RAB40B: variants seen among roughly 807,000 people sequenced by gnomAD.
RAB40B encodes the protein ras-related protein Rab-40B.
In RAB40B, 21 loss-of-function variants were observed where a neutral mutation model predicts 24.0. The observed-to-expected ratio is 0.88, with a 90% CI of 0.62 to 1.26. The LOEUF is 1.26. Ranked by LOEUF, RAB40B falls within the 50% of genes most tolerant of loss-of-function variation. RAB40B has a pLI of 0.00. For synonymous variants in RAB40B, 167 were observed against 169.8 expected (o/e 0.98, Z 0.13); for missense variants, 348 against 390.5 (o/e 0.89, Z 0.92).
Position 82,698,599 on chromosome 17 carries a change from T to A in RAB40B, c.-3A>T. The A allele has an allele frequency of 6.9e-7, 1 of 1,450,262 alleles. No individual in the cohort carries two copies. The highest frequency in any genetic ancestry group is 9.2e-7 in the Non-Finnish European group (1 of 1,086,214). 89.8% of individuals were successfully genotyped at this position (1,450,262 alleles called of 1,614,324 possible). Reference sequence around the variant, plus strand: ...ACCGGGCTGCCCAGGGCGCTCATCGTGACGGCCCGGCGCCCCCACCCATGC... The same window carrying A: ...ACCGGGCTGCCCAGGGCGCTCATCGAGACGGCCCGGCGCCCCCACCCATGC... On this transcript the variant is annotated 5_prime_UTR_variant, in exon 1 of 6. Transcript: ENST00000571995.
At chr17:82,659,032 C>T (rs973533710) in intron 4 of RAB40B, 6 of 319,392 alleles carry the variant, frequency 1.9e-5, no homozygotes, top group African/African-American at 8.4e-5. Context: ...GTTGCTGGCA[C>T]CGCCGAGAGC....
chr17:82,670,096 G>A (rs73357173), intron 1 of RAB40B, among the ~76,000 whole-genome samples: 19,772 of 151,800 alleles, frequency 0.13, 1,426 homozygotes, highest in South Asian at 0.22. Flanking sequence ...TTGTCTTTCC[G>A]GAGATTAATC....
intron 1 of RAB40B, among the ~76,000 whole-genome samples, chr17:82,674,197 G>A (rs753476862): frequency 2.5e-4 from 38 of 151,798 alleles, no homozygotes; most frequent in Admixed American, 8.5e-4. Context: ...AAAATTAGCC[G>A]GGTGTGGTGG....
Position 82,697,158 on chromosome 17 carries a change from C to T in RAB40B, c.142+1297G>A, listed in dbSNP as rs374004107. 6.6e-6 allele frequency among the ~76,000 whole-genome samples: 1 copy of T among 152,148 alleles called. No individual in the cohort carries two copies. Among genetic ancestry groups the T allele is most frequent in the East Asian group, 1.9e-4 (1 of 5,190 alleles). On this transcript the variant is annotated intron_variant, in intron 1 of 5. Coordinates refer to ENST00000571995, the MANE Select transcript of RAB40B (RefSeq NM_006822.3). The surrounding 1 kb of genome is among the most constrained non-coding windows in gnomAD (Gnocchi z 4.9). ...AGCCCATCTCAGCTGCTCCCCCAAACTCTGCCCATTCCTCACCCCGTCCCC... is the reference window on the plus strand; with the variant it reads ...AGCCCATCTCAGCTGCTCCCCCAAATTCTGCCCATTCCTCACCCCGTCCCC...
At chr17:82,672,983 C>T (rs1331387058) in intron 1 of RAB40B, among the ~76,000 whole-genome samples, 1 of 152,130 alleles carries the variant, frequency 6.6e-6, no homozygotes, top group Non-Finnish European at 1.5e-5. Flanking sequence ...GCAGGTGGAT[C>T]ATCTGAGGTC....
chr17:82,664,541 G>C lies in RAB40B; in HGVS notation c.158C>G (p.Thr53Arg). The C allele has an allele frequency of 6.2e-7, 1 of 1,613,638 alleles. No homozygotes were observed. The highest frequency in any genetic ancestry group is 8.5e-7 in the Non-Finnish European group (1 of 1,179,628). The change falls in exon 2 of 6, where the codon ACG becomes AGG. Residue 53 changes from threonine to arginine, a missense_variant. Physicochemically the swap from Thr to Arg is moderately conservative, Grantham distance 71. Around this residue, in one of 3 missense-constraint regions of RAB40B, gnomAD observed 101 missense variants for 85.5 expected, o/e 1.18. Coordinates refer to ENST00000571995, the MANE Select transcript of RAB40B (RefSeq NM_006822.3). Reference sequence around the variant, plus strand: ...CCGCCCGTCCAGCAGGATGGTGGTCGTCTTGTAGTCGATGCCTGCGGAAGG... The same window carrying C: ...CCGCCCGTCCAGCAGGATGGTGGTCCTCTTGTAGTCGATGCCTGCGGAAGG... ...YGHPAGIDYK[T>R]TTILLDGRRV...
intron 1 of RAB40B, among the ~76,000 whole-genome samples, chr17:82,684,329 T>C (rs2046475767): frequency 1.3e-5 from 2 of 151,960 alleles, no homozygotes; most frequent in South Asian, 4.1e-4. Context: ...ACTCACACAC[T>C]GCTGACGGGG....
intron 1 of RAB40B, among the ~76,000 whole-genome samples, chr17:82,673,521 C>T (rs898229843): frequency 6.6e-6 from 1 of 152,212 alleles, no homozygotes; most frequent in African/African-American, 2.4e-5. Flanking sequence ...GTATCTGAGA[C>T]TTTGCACGTC....
intron 1 of RAB40B, among the ~76,000 whole-genome samples, chr17:82,674,458 C>T (rs1033131638): frequency 4.3e-5 from 6 of 138,138 alleles, no homozygotes; most frequent in East Asian, 2.1e-4. Flanking sequence ...GGTGAAACCC[C>T]GTCTCTAGTA....
chr17:82,662,580 C>A, intron 2 of RAB40B: 1 of 985,170 alleles, frequency 1.0e-6, no homozygotes, highest in Non-Finnish European at 1.2e-6. Flanking sequence ...CCAGGAAGGA[C>A]CACACTCTGG....
In RAB40B at chr17:82,655,435, G is replaced by A. The variant is rs1238541548; in HGVS notation, c.*2428C>T. 2 of 152,184 alleles carry A rather than the reference G, an allele frequency of 1.3e-5. No individual in the cohort carries two copies. The highest frequency in any genetic ancestry group is 2.4e-5 in the African/African-American group (1 of 41,410). 9.4% of individuals were successfully genotyped at this position (152,184 alleles called of 1,614,324 possible). A position where few individuals can be genotyped will look rare whatever the true frequency, so the allele number is the denominator to read the frequency against. On this transcript the variant is annotated 3_prime_UTR_variant, in exon 6 of 6. Transcript: ENST00000571995. Reference sequence around the variant, plus strand: ...TCTAGGACATTATCAGTAGTCCCGAGGAGACATCAATTACAAAACAAGAAA... The same window carrying A: ...TCTAGGACATTATCAGTAGTCCCGAAGAGACATCAATTACAAAACAAGAAA...
Position 82,697,078 on chromosome 17 carries a change from G to T in RAB40B, c.142+1377C>A, listed in dbSNP as rs1405625295. ...CACTCTGCACCCACCAGCTGCCAGA[G>T]ACTCCCCCGCATGCTGCAGTTTCAG... On this transcript the variant is annotated intron_variant, in intron 1 of 5. Coordinates refer to ENST00000571995, the MANE Select transcript of RAB40B (RefSeq NM_006822.3). The surrounding 1 kb of genome is among the most constrained non-coding windows in gnomAD (Gnocchi z 4.9). 2.0e-5 allele frequency among the ~76,000 whole-genome samples: 3 copies of T among 152,068 alleles called. No individual in the cohort carries two copies. Among genetic ancestry groups the T allele is most frequent in the Admixed American group, 2.0e-4 (3 of 15,276 alleles).
At chr17:82,686,121 T>TG (rs2046498692) in intron 1 of RAB40B, among the ~76,000 whole-genome samples, 1 of 148,546 alleles carries the variant, frequency 6.7e-6, no homozygotes, top group African/African-American at 2.5e-5. Context: ...TTTTTTTTTT[T>TG]TGAGACAAAG....
rs1280244880 is a variant in RAB40B, at chr17:82,667,434, ACACCTGTGCAG to A, written c.143-2889_143-2879del. Among the ~76,000 whole-genome samples, 1 of 130,894 alleles carries A rather than the reference ACACCTGTGCAG, an allele frequency of 7.6e-6. No homozygotes were observed. Among genetic ancestry groups the A allele is most frequent in the Admixed American group, 7.6e-5 (1 of 13,140 alleles). The allele number at this position is 130,894 out of a possible 152,430, so 85.9% of individuals were successfully genotyped here. ...CATGGCACACCTGCCTGATCTGAGCACACCTGTGCAGCGCCTTCCATGAGATCCCGAGCACC... is the reference window on the plus strand; with the variant it reads ...CATGGCACACCTGCCTGATCTGAGCACGCCTTCCATGAGATCCCGAGCACC... On this transcript the variant is annotated intron_variant, in intron 1 of 5. Coordinates refer to ENST00000571995, the MANE Select transcript of RAB40B (RefSeq NM_006822.3). This position sits in a 1 kb window ranked among gnomAD's most constrained non-coding sequence, Gnocchi z 4.3.
chr17:82,658,367 C>A, intron 5 of RAB40B, 124 bp downstream of exon 5: 1 of 1,198,336 alleles, frequency 8.3e-7, no homozygotes, highest in South Asian at 1.4e-5. Flanking sequence ...AAATGCCTTG[C>A]TCTGAGAACG....
intron 1 of RAB40B, among the ~76,000 whole-genome samples, chr17:82,665,255 CTTCT>C (rs1297510122): frequency 1.1e-4 from 10 of 88,528 alleles, no homozygotes; most frequent in Middle Eastern, 6.4e-3. Context: ...TGCCTTTCTT[CTTCT>C]TTTTTTTTTT....
intron 1 of RAB40B, among the ~76,000 whole-genome samples, chr17:82,686,440 A>G (rs2046502906): frequency 6.6e-6 from 1 of 152,222 alleles, no homozygotes; most frequent in Non-Finnish European, 1.5e-5. Context: ...AATCAAGTTA[A>G]GATGAGGTCA....
intron 1 of RAB40B, among the ~76,000 whole-genome samples, chr17:82,693,799 T>C (rs755050441): frequency 6.6e-6 from 1 of 152,004 alleles, no homozygotes; most frequent in African/African-American, 2.4e-5. Context: ...GAAGTGCACA[T>C]TGGCCAGGCG....
In RAB40B at chr17:82,692,656, C is replaced by A. The variant is rs2046570613; in HGVS notation, c.142+5799G>T. 6.6e-6 allele frequency among the ~76,000 whole-genome samples: 1 copy of A among 152,250 alleles called. No individual in the cohort carries two copies. The highest frequency in any genetic ancestry group is 1.5e-5 in the Non-Finnish European group (1 of 68,042). ...ATCCCTGCCTCAGGCCTCACCCCAGCTGGAGGCAGCCATTCATGTCAAAGG... is the reference window on the plus strand; with the variant it reads ...ATCCCTGCCTCAGGCCTCACCCCAGATGGAGGCAGCCATTCATGTCAAAGG... On this transcript the variant is annotated intron_variant, in intron 1 of 5. Coordinates refer to ENST00000571995, the MANE Select transcript of RAB40B (RefSeq NM_006822.3). The surrounding 1 kb of genome is among the most constrained non-coding windows in gnomAD (Gnocchi z 4.0).
Sources: allele counts gnomAD v4.1 joint callset (sites outside exome capture counted in the v4.1 genomes callset), GRCh38; gene constraint gnomAD v4.1.1; regional missense constraint gnomAD v4.1.1; non-coding constraint Gnocchi (gnomAD v3.1); transcripts MANE v1.5; gene names NCBI Gene and HGNC (gene_info 2026-07-23, HGNC 2026-07-21).